Variants in TBC1D14 observed in about 807,000 individuals in gnomAD.
TBC1D14 encodes TBC1 domain family member 14.
In TBC1D14, 26 loss-of-function variants were observed where a neutral mutation model predicts 79.0. The ratio of observed to expected loss-of-function variants is 0.33; its 90% CI spans 0.24 to 0.46. The LOEUF (loss-of-function observed/expected upper bound fraction) is 0.46. Ranked by LOEUF, TBC1D14 falls within the 20% of genes least tolerant of loss-of-function variation. TBC1D14 has a pLI of 1.00. For missense variants in TBC1D14, 769 were observed against 887.6 expected, an observed-to-expected ratio of 0.87 and a Z score of 1.70; for synonymous variants, 394 against 349.9, an observed-to-expected ratio of 1.13 and a Z score of -1.40.
Position 6,966,085 on chromosome 4 carries a change from G to A in TBC1D14, c.723-1219G>A, listed in dbSNP as rs373001601. The stretch of plus-strand genomic sequence containing the variant: ...TATGTTTGTTTATTTGTACCTATAT[G>A]GGCTAGTGGATTTCTCTTTTATTCA... On this transcript the variant is annotated intron_variant, in intron 2 of 13. Transcript: ENST00000409757. 1.9e-4 allele frequency among the ~76,000 whole-genome samples: 29 copies of A among 152,206 alleles called. No homozygotes were observed. The South Asian group carries it at 5.6e-3, about 29-fold the overall frequency.
intron 1 of TBC1D14, among the ~76,000 whole-genome samples, chr4:6,922,545 A>G (rs1320013408): frequency 3.3e-5 from 5 of 152,180 alleles, no homozygotes; most frequent in Admixed American, 2.0e-4. Context: ...AGATGTGAGT[A>G]AGCGTGACTG....
At chr4:6,939,157 G>A (rs757826363) in intron 2 of TBC1D14, among the ~76,000 whole-genome samples, 3 of 152,192 alleles carry the variant, frequency 2.0e-5, no homozygotes, top group Non-Finnish European at 4.4e-5. Flanking sequence ...GCTTTCCCAC[G>A]TGTGAAATGC....
intron 12 of TBC1D14, 116 bp from the exon 13 acceptor site, chr4:7,024,888 G>T: frequency 7.1e-7 from 1 of 1,413,226 alleles, no homozygotes; most frequent in Admixed American, 1.9e-5. Context: ...CCTGGCCCCA[G>T]CTGTTGCCTG....
At chr4:6,987,296 G>A in intron 3 of TBC1D14, 1 of 1,359,844 alleles carries the variant, frequency 7.4e-7, no homozygotes, top group Non-Finnish European at 9.5e-7. Flanking sequence ...CCGGCCCTCC[G>A]CTCGCTGGGC....
intron 8 of TBC1D14, 80 bp downstream of exon 8, chr4:7,005,004 C>T (rs774931100): frequency 2.6e-5 from 33 of 1,271,522 alleles, no homozygotes; most frequent in Middle Eastern, 1.9e-4. Context: ...AGAAAGTTGA[C>T]GTTAACTACA....
At chr4:6,998,984 G>A (rs896976107) in intron 5 of TBC1D14, 101 bp from the exon 6 acceptor site, 13 of 1,063,448 alleles carry the variant, frequency 1.2e-5, no homozygotes, top group African/African-American at 4.7e-5. Context: ...GCTTCAGGGC[G>A]GTTTTCCTGG....
chr4:6,966,040 C>T (rs1715672226), intron 2 of TBC1D14, among the ~76,000 whole-genome samples: 1 of 152,224 alleles, frequency 6.6e-6, no homozygotes, highest in Non-Finnish European at 1.5e-5. Flanking sequence ...CAAGAGCTTT[C>T]CTCCTCCTCC....
intron 2 of TBC1D14, among the ~76,000 whole-genome samples, chr4:6,937,311 T>G (rs1712433275): frequency 1.3e-5 from 2 of 152,328 alleles, no homozygotes; most frequent in Middle Eastern, 3.4e-3. Flanking sequence ...AGGCGTAAGA[T>G]CAAGGTGCCA....
intron 1 of TBC1D14, among the ~76,000 whole-genome samples, chr4:6,914,056 C>T (rs548670056): frequency 3.3e-5 from 5 of 151,410 alleles, no homozygotes; most frequent in African/African-American, 1.2e-4. Flanking sequence ...GGGAGGCTCA[C>T]TTGAGCCTGG....
At chr4:6,964,882 C>A (rs555460724) in intron 2 of TBC1D14, among the ~76,000 whole-genome samples, 2 of 152,300 alleles carry the variant, frequency 1.3e-5, no homozygotes, top group South Asian at 2.1e-4. Flanking sequence ...CCAATATATT[C>A]TTTACCAGAT....
At chr4:6,938,408 G>A (rs1026629488) in intron 2 of TBC1D14, among the ~76,000 whole-genome samples, 2 of 152,154 alleles carry the variant, frequency 1.3e-5, no homozygotes, top group African/African-American at 4.8e-5. Context: ...GAAACATCTG[G>A]GAGGAACAGG....
At chr4:6,948,707 G>T (rs867444493) in intron 2 of TBC1D14, among the ~76,000 whole-genome samples, 25 of 135,380 alleles carry the variant, frequency 1.8e-4, no homozygotes, top group East Asian at 6.4e-4. Context: ...GGGGTACTTG[G>T]TTTTTTTTTT....
rs1444788961 is a variant in TBC1D14, at chr4:7,011,683, A to G, written c.1647+902A>G. Among the ~76,000 whole-genome samples the G allele has an allele frequency of 4.6e-5, 7 of 151,784 alleles. No homozygotes were observed. The South Asian group carries it at 1.2e-3, about 27-fold the overall frequency. ...GCAATTATCGTGTCTCAGCCTCCCT[A>G]GTAGCTGGGATTACAGGTGTCTGCC... On this transcript the variant is annotated intron_variant, in intron 11 of 13. Transcript: ENST00000409757.
intron 11 of TBC1D14, among the ~76,000 whole-genome samples, 184 bp downstream of exon 11, chr4:7,010,965 A>G (rs1157623546): frequency 1.3e-5 from 2 of 152,240 alleles, no homozygotes. Context: ...GCTGAAAAAG[A>G]CACGGTTAGT....
chr4:7,006,739 G>A lies in TBC1D14; in HGVS notation c.1446+13G>A. The stretch of plus-strand genomic sequence containing the variant: ...CATTTTCCAGCAAGTAAGTGGTGGT[G>A]ACTTGTTGCTTTCAAGTATGTTTTG... On this transcript the variant is annotated intron_variant, in intron 9 of 13. Transcript: ENST00000409757. 1 of 1,606,320 alleles carries A rather than the reference G, an allele frequency of 6.2e-7. No homozygotes were observed. Among genetic ancestry groups the A allele is most frequent in the Non-Finnish European group, 8.5e-7 (1 of 1,173,986 alleles).
At chr4:6,911,016 C>A (rs1722943437) in intron 1 of TBC1D14, among the ~76,000 whole-genome samples, 1 of 152,122 alleles carries the variant, frequency 6.6e-6, no homozygotes, top group African/African-American at 2.4e-5. Context: ...TCTTGCCTAG[C>A]TTTTATAGCG....
chr4:6,992,793 T>TTC (rs2109148626), intron 3 of TBC1D14, among the ~76,000 whole-genome samples: 1 of 152,332 alleles, frequency 6.6e-6, no homozygotes, highest in Admixed American at 6.5e-5. Flanking sequence ...CCATACAGTG[T>TTC]AGATGTTCAG....
chr4:7,023,215 T>C (rs199670355), intron 12 of TBC1D14, among the ~76,000 whole-genome samples: 1 of 152,248 alleles, frequency 6.6e-6, no homozygotes, highest in East Asian at 1.9e-4. Context: ...ATCGCACCAC[T>C]ACTGCACTCC....
chr4:6,921,417 G>T (rs937276542), intron 1 of TBC1D14, among the ~76,000 whole-genome samples: 1 of 152,076 alleles, frequency 6.6e-6, no homozygotes, highest in Non-Finnish European at 1.5e-5. Flanking sequence ...TGTTGCCGAG[G>T]CTTGCTTTTG....
Sources: gnomAD v4.1 joint callset for allele counts (sites outside exome capture counted in the v4.1 genomes callset) on GRCh38, gnomAD v4.1.1 for gene constraint, MANE v1.5 for transcripts, NCBI Gene and HGNC (gene_info 2026-07-23, HGNC 2026-07-21) for gene names.